EXOC4: variants seen among roughly 807,000 people sequenced by gnomAD.
EXOC4 encodes exocyst complex component 4.
In EXOC4, 71 loss-of-function variants were observed where a neutral mutation model predicts 107.2. That is an observed-to-expected ratio of 0.66 (90% CI 0.55 to 0.81). EXOC4 has a LOEUF of 0.81. Ranked by LOEUF, EXOC4 falls within the 30% of genes least tolerant of loss-of-function variation. The probability of loss-of-function intolerance (pLI) is 0.00; values close to 1 mark genes in which losing one functional copy is unlikely to be tolerated. For synonymous variants in EXOC4, 456 were observed against 441.2 expected (o/e 1.03, Z -0.42); for missense variants, 1,108 against 1,189.6 (o/e 0.93, Z 1.01).
At chr7:133,264,038 T>C (rs556069245) in intron 1 of EXOC4, among the ~76,000 whole-genome samples, 1 of 152,238 alleles carries the variant, frequency 6.6e-6, no homozygotes, top group South Asian at 2.1e-4. Flanking sequence ...CTGTGGACAA[T>C]GCTTGGAGAA....
At chr7:133,925,513 G>C (rs73156940) in intron 13 of EXOC4, among the ~76,000 whole-genome samples, 18,133 of 152,064 alleles carry the variant, frequency 0.12, 1,181 homozygotes, top group Middle Eastern at 0.15. Context: ...ATAAGGTGTT[G>C]GGGAAGCAAA....
chr7:133,918,171 G>A (rs891742900), intron 13 of EXOC4, among the ~76,000 whole-genome samples: 10 of 151,682 alleles, frequency 6.6e-5, no homozygotes, highest in African/African-American at 1.7e-4. Flanking sequence ...TAGTAGAGAC[G>A]GGGTTTCACA....
intron 4 of EXOC4, among the ~76,000 whole-genome samples, chr7:133,314,780 A>G (rs1167953222): frequency 6.6e-6 from 1 of 152,124 alleles, no homozygotes; most frequent in Non-Finnish European, 1.5e-5. Context: ...GCTGATTGAT[A>G]CCTTAATTTA....
At chr7:134,018,597 A>G (rs775418274) in intron 17 of EXOC4, among the ~76,000 whole-genome samples, 1 of 152,126 alleles carries the variant, frequency 6.6e-6, no homozygotes, top group Non-Finnish European at 1.5e-5. Context: ...TGCCTGGCCC[A>G]TATCACTTGC....
chr7:133,768,265 T>C (rs1796177453), intron 10 of EXOC4: 1 of 151,958 alleles, frequency 6.6e-6, no homozygotes. Context: ...TGTTTGATGA[T>C]TTGAAATAAA....
intron 14 of EXOC4, among the ~76,000 whole-genome samples, chr7:133,980,747 A>T (rs1793961789): frequency 6.6e-6 from 1 of 152,188 alleles, no homozygotes; most frequent in African/African-American, 2.4e-5. Context: ...ACACAGATTG[A>T]TTATTAATCT....
intron 11 of EXOC4, among the ~76,000 whole-genome samples, chr7:133,836,817 T>C (rs1797928212): frequency 1.3e-5 from 2 of 152,272 alleles, no homozygotes; most frequent in South Asian, 4.1e-4. Flanking sequence ...CTAATCCTTT[T>C]ATGTTGGATG....
chr7:133,485,675 A>T (rs1267871629), intron 9 of EXOC4, among the ~76,000 whole-genome samples: 1 of 152,174 alleles, frequency 6.6e-6, no homozygotes, highest in African/African-American at 2.4e-5. Flanking sequence ...TGCAAGCCTT[A>T]TTCACGGGTA....
At chr7:133,960,321 A>C (rs540091721) in intron 14 of EXOC4, among the ~76,000 whole-genome samples, 1 of 152,224 alleles carries the variant, frequency 6.6e-6, no homozygotes, top group African/African-American at 2.4e-5. Flanking sequence ...TTTTTTGGTT[A>C]TGTCCTTTCC....
chr7:133,614,172 G>A (rs1023821015), intron 9 of EXOC4, among the ~76,000 whole-genome samples: 4 of 152,116 alleles, frequency 2.6e-5, no homozygotes, highest in Non-Finnish European at 5.9e-5. Context: ...CACAAAGGAT[G>A]TTTATTAGGA....
chr7:133,558,773 A>T (rs779824565), intron 9 of EXOC4, among the ~76,000 whole-genome samples: 1 of 152,132 alleles, frequency 6.6e-6, no homozygotes, highest in African/African-American at 2.4e-5. Context: ...TAACACTTCA[A>T]ATCATTTAAT....
intron 5 of EXOC4, among the ~76,000 whole-genome samples, chr7:133,324,422 A>G (rs182483082): frequency 1.3e-5 from 2 of 152,076 alleles, no homozygotes; most frequent in African/African-American, 4.8e-5. Flanking sequence ...CTTTGTTCTC[A>G]TTGGTTTCGA....
Position 133,503,991 on chromosome 7 carries a change from GTA to G in EXOC4, c.1417+23865_1417+23866del, listed in dbSNP as rs112703166. Among the ~76,000 whole-genome samples the G allele has an allele frequency of 3.0e-3, 458 of 150,798 alleles. 5 individuals carry two copies. Among genetic ancestry groups the G allele is most frequent in the South Asian group, 0.01 (49 of 4,782 alleles). On this transcript the variant is annotated intron_variant, in intron 9 of 17. Transcript: ENST00000253861. Reference sequence around the variant, plus strand: ...CATAGACACACGTATGTATATGTGTGTATATATATATATGTATACATACACAC... The same window carrying G: ...CATAGACACACGTATGTATATGTGTGTATATATATATGTATACATACACAC...
At chr7:133,548,359 G>A (rs375861187) in intron 9 of EXOC4, among the ~76,000 whole-genome samples, 5 of 152,234 alleles carry the variant, frequency 3.3e-5, no homozygotes, top group Non-Finnish European at 7.3e-5. Flanking sequence ...TGGTAAATGA[G>A]CATTAGCTTC....
intron 10 of EXOC4, among the ~76,000 whole-genome samples, chr7:133,753,013 G>T (rs1585122420): frequency 1.3e-5 from 2 of 152,238 alleles, no homozygotes; most frequent in East Asian, 1.9e-4. Context: ...TCCTTTCTCT[G>T]TTATTTGATC....
rs538727388 is a variant in EXOC4, at chr7:133,876,337, T to C, written c.1735-19262T>C. Among the ~76,000 whole-genome samples, 24 of 151,634 alleles carry C rather than the reference T, an allele frequency of 1.6e-4. No individual in the cohort carries two copies. In the South Asian group the frequency reaches 5.0e-3, roughly 32 times the overall value. Reference sequence around the variant, plus strand: ...GAAATATACAACTGGGAAATAAAATTTCAGGGGACATCATTACCTCGAGTG... The same window carrying C: ...GAAATATACAACTGGGAAATAAAATCTCAGGGGACATCATTACCTCGAGTG... On this transcript the variant is annotated intron_variant, in intron 11 of 17. Coordinates refer to ENST00000253861, the MANE Select transcript of EXOC4 (RefSeq NM_021807.4).
intron 7 of EXOC4, among the ~76,000 whole-genome samples, chr7:133,421,681 C>T (rs1797610450): frequency 6.6e-6 from 1 of 152,130 alleles, no homozygotes; most frequent in South Asian, 2.1e-4. Context: ...AATTTTCCCT[C>T]TTTTGTTCAA....
At chr7:133,953,518 A>G (rs1800742559) in intron 14 of EXOC4, among the ~76,000 whole-genome samples, 2 of 152,150 alleles carry the variant, frequency 1.3e-5, no homozygotes, top group Admixed American at 6.5e-5. Flanking sequence ...GGGCATGGTC[A>G]TGTACACATG....
At chr7:133,859,833 G>A (rs959636144) in intron 11 of EXOC4, among the ~76,000 whole-genome samples, 3 of 152,090 alleles carry the variant, frequency 2.0e-5, no homozygotes, top group Non-Finnish European at 2.9e-5. Context: ...TAAGATGCTG[G>A]TTGAAAATTG....
Sources: allele counts gnomAD v4.1 joint callset (sites outside exome capture counted in the v4.1 genomes callset), GRCh38; gene constraint gnomAD v4.1.1; transcripts MANE v1.5; gene names NCBI Gene and HGNC (gene_info 2026-07-23, HGNC 2026-07-21).